PLBD1: variants seen among roughly 807,000 people sequenced by gnomAD.
The protein encoded by PLBD1 is lysosomal leucine aminopeptidase.
In PLBD1, 60 loss-of-function variants were observed where a neutral mutation model predicts 63.0. The ratio of observed to expected loss-of-function variants is 0.95; its 90% confidence interval spans 0.77 to 1.18. The LOEUF is 1.18. Ranked by LOEUF, PLBD1 falls within the 50% of genes most tolerant of loss-of-function variation. PLBD1 has a pLI of 0.00. For synonymous variants in PLBD1, 262 were observed against 248.0 expected, an observed-to-expected ratio of 1.06 and a Z score of -0.53; for missense variants, 598 against 677.9, an observed-to-expected ratio of 0.88 and a Z score of 1.31.
chr12:14,533,456 T>C (rs1178813853), intron 6 of PLBD1, among the ~76,000 whole-genome samples: 1 of 152,230 alleles, frequency 6.6e-6, no homozygotes. Flanking sequence ...GAAGGATACA[T>C]ATGCAAATGT....
chr12:14,517,780 T>C (rs1368037071), intron 6 of PLBD1, among the ~76,000 whole-genome samples: 1 of 152,248 alleles, frequency 6.6e-6, no homozygotes, highest in Non-Finnish European at 1.5e-5. Context: ...AAGTTTGATG[T>C]TTTGTATGCT....
chr12:14,509,616 G>A (rs570974705), intron 8 of PLBD1, among the ~76,000 whole-genome samples: 1 of 152,264 alleles, frequency 6.6e-6, no homozygotes, highest in East Asian at 1.9e-4. Flanking sequence ...ATTCTCCACT[G>A]ACAAGGCTCA....
chr12:14,565,546 A>T (rs1329392933), intron 1 of PLBD1, among the ~76,000 whole-genome samples: 1 of 152,194 alleles, frequency 6.6e-6, no homozygotes, highest in Non-Finnish European at 1.5e-5. Context: ...AGTGGATATA[A>T]AATCCATTCC....
intron 6 of PLBD1, among the ~76,000 whole-genome samples, chr12:14,526,744 A>G (rs1180535132): frequency 6.6e-6 from 1 of 152,168 alleles, no homozygotes; most frequent in Non-Finnish European, 1.5e-5. Flanking sequence ...AGGCCGAGGC[A>G]GGCAGATCAC....
In PLBD1 at chr12:14,553,497, C is replaced by T. The variant is rs187701871; in HGVS notation, c.116-85G>A. 1.0e-5 allele frequency: 11 copies of T among 1,068,540 alleles called. No individual in the cohort carries two copies. In the East Asian group the frequency reaches 1.9e-4, roughly 19 times the overall value. The allele number at this position is 1,068,540 out of a possible 1,614,324, so 66.2% of individuals were successfully genotyped here. ...TCCTATGTATCCAACAATTTCAAGACGTTTGCTTTTAAAGATTTCCATTCT... is the reference window on the plus strand; with the variant it reads ...TCCTATGTATCCAACAATTTCAAGATGTTTGCTTTTAAAGATTTCCATTCT... On this transcript the variant is annotated intron_variant, in intron 1 of 10. Coordinates refer to ENST00000240617, the MANE Select transcript of PLBD1 (RefSeq NM_024829.6).
At chr12:14,553,703 G>A in intron 1 of PLBD1, 1 of 474,060 alleles carries the variant, frequency 2.1e-6, no homozygotes, top group South Asian at 2.2e-5. Context: ...AATCTGGGCA[G>A]GGCTGGAGCT....
chr12:14,533,071 A>G (rs1945478711), intron 6 of PLBD1: 2 of 152,222 alleles, frequency 1.3e-5, no homozygotes. Context: ...AGAAAAGACT[A>G]AAAAAGACCA....
At chr12:14,512,167 T>G (rs1315297439) in intron 6 of PLBD1, among the ~76,000 whole-genome samples, 1 of 129,498 alleles carries the variant, frequency 7.7e-6, no homozygotes, top group Non-Finnish European at 1.7e-5. Context: ...TTTTTTTTTT[T>G]GACACACAGT....
chr12:14,532,969 T>A (rs995405411), intron 6 of PLBD1: 1 of 152,234 alleles, frequency 6.6e-6, no homozygotes, highest in African/African-American at 2.4e-5. Context: ...TATCAGCACC[T>A]GGTATACTTT....
At position 14,540,887 on chromosome 12, in the gene PLBD1, C is replaced by T; in HGVS notation, c.435G>A (p.Trp145Ter). 1 of 1,598,438 alleles carries T rather than the reference C, an allele frequency of 6.3e-7. No homozygotes were observed. The highest frequency in any genetic ancestry group is 8.6e-7 in the Non-Finnish European group (1 of 1,168,902). ...VQDFMEKQDK[W>*]TRKNIKEYKT... ...TGTATTCTTTGATATTTTTCCGGGT[C>T]CACTTATCTTGCTTCCTGGAAGAGA... Residue 145 changes from tryptophan to a stop codon, truncating the protein, a stop_gained, in exon 4 of 11, where the codon TGG (tryptophan) becomes TGA (stop). Coordinates refer to ENST00000240617, the MANE Select transcript of PLBD1 (RefSeq NM_024829.6). LOFTEE classifies it high-confidence loss of function.
chr12:14,554,226 T>G (rs541320944), intron 1 of PLBD1: 4 of 152,422 alleles, frequency 2.6e-5, no homozygotes, highest in African/African-American at 9.6e-5. Context: ...CACGCCCATC[T>G]CTCCATTCTG....
At position 14,540,013 on chromosome 12, in the gene PLBD1, CATATATATATATATATATATATAT is replaced by C. The variant is rs58124579; in HGVS notation, c.558+727_558+750del. 8.3e-4 allele frequency among the ~76,000 whole-genome samples: 19 copies of C among 22,778 alleles called. 1 individual carries two copies. Among genetic ancestry groups the C allele is most frequent in the African/African-American group, 1.7e-3 (17 of 10,246 alleles). The allele number at this position is 22,778 out of a possible 152,430, so 14.9% of individuals were successfully genotyped here. On this transcript the variant is annotated intron_variant, in intron 4 of 10. Coordinates refer to ENST00000240617, the MANE Select transcript of PLBD1 (RefSeq NM_024829.6). Reference sequence around the variant, plus strand: ...AAAAAGTTCAAAGAAAAGCTATGCACATATATATATATATATATATATATATATATATATATATATACACACACA... The same window carrying C: ...AAAAAGTTCAAAGAAAAGCTATGCACATATATATATATATATACACACACA...
In PLBD1 at chr12:14,517,531, T is replaced by C. The variant is rs186159436; in HGVS notation, c.845-5820A>G. Among the ~76,000 whole-genome samples the C allele has an allele frequency of 3.7e-3, 565 of 152,292 alleles. 5 individuals are homozygous for C. The highest frequency in any genetic ancestry group is 5.6e-3 in the Non-Finnish European group (378 of 68,022). On this transcript the variant is annotated intron_variant, in intron 6 of 10. Coordinates refer to ENST00000240617, the MANE Select transcript of PLBD1 (RefSeq NM_024829.6). ...AAAGAAATGGATATTTATAGTTAGA[T>C]ATATTGCCTTTGCACCCAGTCCTCA...
chr12:14,540,016 A>AATTT (rs370543683), intron 4 of PLBD1, among the ~76,000 whole-genome samples: 54 of 89,648 alleles, frequency 6.0e-4, no homozygotes, highest in African/African-American at 1.6e-3. Flanking sequence ...CTATGCACAT[A>AATTT]TATATATATA....
chr12:14,553,361 A>T lies in PLBD1; in HGVS notation c.167T>A (p.Val56Asp). Reference protein sequence around the residue: ...YWMPAEKTVQVKNVMDKNGDA... With the variant: ...YWMPAEKTVQDKNVMDKNGDA... Reference sequence around the variant, plus strand: ...CCCATTCTTGTCCATTACATTTTTGACTTGTACTGTCTTTTCAGCAGGCAT... The same window carrying T: ...CCCATTCTTGTCCATTACATTTTTGTCTTGTACTGTCTTTTCAGCAGGCAT... Residue 56 changes from valine to aspartate, a missense_variant, in exon 2 of 11, where the codon GTC becomes GAC. By Grantham distance (152) the Val-to-Asp change is radical. Coordinates refer to ENST00000240617, the MANE Select transcript of PLBD1 (RefSeq NM_024829.6). 8 of 1,614,112 alleles carry T rather than the reference A, an allele frequency of 5.0e-6. No individual in the cohort carries two copies. Among genetic ancestry groups the T allele is most frequent in the Non-Finnish European group, 6.8e-6 (8 of 1,180,012 alleles).
intron 1 of PLBD1, among the ~76,000 whole-genome samples, chr12:14,562,434 TGAGTGACA>T (rs1293652821): frequency 1.6e-5 from 2 of 128,378 alleles, no homozygotes; most frequent in African/African-American, 5.9e-5. Context: ...CGGTCCAGCC[TGAGTGACA>T]GAGTGAGACT....
rs949856324 is a variant in PLBD1, at chr12:14,535,551, T to C, written c.844+108A>G. ...GAAAATCAGATTGTTTGTTAATATA[T>C]ACTAACCATTAAACATTTCTTCTCC... is the stretch of plus-strand genomic sequence containing the variant. On this transcript the variant is annotated intron_variant, in intron 6 of 10. Transcript: ENST00000240617. The C allele has an allele frequency of 4.1e-6, 5 of 1,213,802 alleles. No individual in the cohort carries two copies. The African/African-American group carries it at 4.6e-5, about 11-fold the overall frequency. 75.2% of individuals were successfully genotyped at this position (1,213,802 alleles called of 1,614,324 possible).
At chr12:14,507,900 G>A (rs1235212582) in intron 8 of PLBD1, among the ~76,000 whole-genome samples, 1 of 152,078 alleles carries the variant, frequency 6.6e-6, no homozygotes, top group Non-Finnish European at 1.5e-5. Context: ...GATGACACTG[G>A]CCTGGGTTAC....
intron 2 of PLBD1, among the ~76,000 whole-genome samples, chr12:14,549,395 G>A (rs145526327): frequency 6.6e-6 from 1 of 152,202 alleles, no homozygotes; most frequent in African/African-American, 2.4e-5. Flanking sequence ...CTGCATCAAA[G>A]ACTGCAAAGC....
Sources: allele counts gnomAD v4.1 joint callset (sites outside exome capture counted in the v4.1 genomes callset), GRCh38; gene constraint gnomAD v4.1.1; transcripts MANE v1.5; gene names NCBI Gene and HGNC (gene_info 2026-07-23, HGNC 2026-07-21).